Variants in SS18L1 observed in about 807,000 individuals in gnomAD.
SS18L1 encodes SS18L1 subunit of BAF chromatin remodeling complex.
Under a neutral mutation model 70.3 loss-of-function variants are expected in SS18L1, and 32 were observed. The ratio of observed to expected loss-of-function variants is 0.46; its 90% CI spans 0.34 to 0.61. The LOEUF (loss-of-function observed/expected upper bound fraction) is 0.61. Among genes scored for constraint, SS18L1 ranks in the 20% least tolerant of loss-of-function variants. SS18L1 has a pLI of 0.01. For missense variants in SS18L1, 430 were observed against 542.1 expected (o/e 0.79, Z 2.05); for synonymous variants, 237 against 229.7 (o/e 1.03, Z -0.29).
Position 62,161,066 on chromosome 20 carries a change from T to C in SS18L1, c.232-370T>C, listed in dbSNP as rs1003367247. On this transcript the variant is annotated intron_variant, in intron 3 of 10. Coordinates refer to ENST00000331758, the MANE Select transcript of SS18L1 (RefSeq NM_198935.3). This position sits in a 1 kb window ranked among gnomAD's most constrained non-coding sequence, Gnocchi z 4.4. ...AGCTCTTGGCACGGAGGGGTCGTGG[T>C]TGGGGAGCACAGAGGCGCTGGTCAC... Among the ~76,000 whole-genome samples, 2 of 151,384 alleles carry C rather than the reference T, an allele frequency of 1.3e-5. No homozygotes were observed. The highest frequency in any genetic ancestry group is 1.3e-4 in the Admixed American group (2 of 15,184).
chr20:62,154,174 C>T (rs146981029), intron 1 of SS18L1: 265 of 297,196 alleles, frequency 8.9e-4, no homozygotes, highest in South Asian at 6.6e-3. Context: ...CCAGTTGTCC[C>T]GGTAATGGCT....
chr20:62,179,466 G>A lies in SS18L1; in HGVS notation c.*258G>A. On this transcript the variant is annotated 3_prime_UTR_variant, in exon 11 of 11. Coordinates refer to ENST00000331758, the MANE Select transcript of SS18L1 (RefSeq NM_198935.3). The stretch of plus-strand genomic sequence containing the variant: ...GTACACGGAGAGGTATCCTTTTTTT[G>A]TCCCCCGCCCCCTTCTCAATGTTTC... 1 of 532,892 alleles carries A rather than the reference G, an allele frequency of 1.9e-6. No homozygotes were observed. The highest frequency in any genetic ancestry group is 1.9e-5 in the African/African-American group (1 of 52,466). 33.0% of individuals were successfully genotyped at this position (532,892 alleles called of 1,614,324 possible).
chr20:62,160,907 A>G (rs1419294995), intron 3 of SS18L1, among the ~76,000 whole-genome samples: 1 of 151,290 alleles, frequency 6.6e-6, no homozygotes, highest in Non-Finnish European at 1.5e-5. Context: ...GATCTGGGAG[A>G]GTGCTGAGGG....
chr20:62,157,183 G>T (rs116810531), intron 1 of SS18L1, among the ~76,000 whole-genome samples: 8,400 of 152,200 alleles, frequency 0.055, 776 homozygotes, highest in African/African-American at 0.19. Flanking sequence ...GCAGGATGCC[G>T]CCTGGCCCCA....
chr20:62,165,595 G>A (rs929257897), intron 8 of SS18L1, 81 bp downstream of exon 8: 32 of 1,327,782 alleles, frequency 2.4e-5, no homozygotes, highest in Non-Finnish European at 3.1e-5. Flanking sequence ...TTAGGAGCAC[G>A]CGGTGCCTGC....
chr20:62,146,640 G>C (rs972222083), intron 1 of SS18L1, among the ~76,000 whole-genome samples: 1 of 108,596 alleles, frequency 9.2e-6, no homozygotes, highest in South Asian at 3.1e-4. Context: ...ATGGAGTTTC[G>C]CTCTTGTTGC....
Position 62,143,843 on chromosome 20 carries a change from C to A in SS18L1, c.23C>A (p.Ala8Asp), listed in dbSNP as rs748420343. Reference protein sequence around the residue: MSVAFASARPRGKGEVTQ... With the variant: MSVAFASDRPRGKGEVTQ... ...ACCATGTCCGTGGCCTTCGCGTCTG[C>A]CCGGCCAAGAGGCAAAGGGGAGGTT... Residue 8 changes from alanine to aspartate, a missense_variant, in exon 1 of 11, where the codon GCC becomes GAC. Transcript: ENST00000331758. The A allele has an allele frequency of 1.5e-6, 2 of 1,329,676 alleles. No homozygotes were observed. Among genetic ancestry groups the A allele is most frequent in the Non-Finnish European group, 2.0e-6 (2 of 1,009,658 alleles). 82.4% of individuals were successfully genotyped at this position (1,329,676 alleles called of 1,614,324 possible).
At position 62,143,817 on chromosome 20, in the gene SS18L1, C is replaced by T. The variant is rs201211633; in HGVS notation, c.-4C>T. ...GACCACGGGCTGAGCCCCGCGCCGC[C>T]ACCATGTCCGTGGCCTTCGCGTCTG... is the stretch of plus-strand genomic sequence containing the variant. On this transcript the variant is annotated 5_prime_UTR_variant, in exon 1 of 11. Transcript: ENST00000331758. 154 of 1,359,044 alleles carry T rather than the reference C, an allele frequency of 1.1e-4. 1 individual carries two copies. In the East Asian group the frequency reaches 2.6e-3, roughly 23 times the overall value. 84.2% of individuals were successfully genotyped at this position (1,359,044 alleles called of 1,614,324 possible).
intron 9 of SS18L1, among the ~76,000 whole-genome samples, chr20:62,173,436 G>A (rs1263718658): frequency 3.9e-5 from 6 of 152,198 alleles, no homozygotes; most frequent in African/African-American, 4.8e-5. Flanking sequence ...GAGGCCAGGC[G>A]TGGTGGCTCA....
At position 62,180,607 on chromosome 20, in the gene SS18L1, A is replaced by AC. The variant is rs1167798280; in HGVS notation, c.*1399_*1400insC. 5.8e-6 allele frequency: 1 copy of AC among 173,270 alleles called. No individual in the cohort carries two copies. Among genetic ancestry groups the AC allele is most frequent in the Non-Finnish European group, 1.2e-5 (1 of 80,004 alleles). The allele number at this position is 173,270 out of a possible 1,614,324, so 10.7% of individuals were successfully genotyped here. On this transcript the variant is annotated 3_prime_UTR_variant, in exon 11 of 11. Coordinates refer to ENST00000331758, the MANE Select transcript of SS18L1 (RefSeq NM_198935.3). ...AATTGATGTTTTGTTTTAAAAGTTA[A>AC]AAGTAATTCTTGGCGTGGTGGTTCA... is the stretch of plus-strand genomic sequence containing the variant.
chr20:62,155,513 T>C (rs986203983), intron 1 of SS18L1, among the ~76,000 whole-genome samples: 1 of 152,162 alleles, frequency 6.6e-6, no homozygotes, highest in Non-Finnish European at 1.5e-5. Flanking sequence ...AAATGGCAGG[T>C]GGGGGCCGCA....
At position 62,158,990 on chromosome 20, in the gene SS18L1, C is replaced by T. The variant is rs753426012; in HGVS notation, c.146+242C>T. 4.5e-6 allele frequency: 7 copies of T among 1,545,996 alleles called. No individual in the cohort carries two copies. The highest frequency in any genetic ancestry group is 2.4e-5 in the East Asian group (1 of 41,402). ...CCCAGCACGGAGGCCAGATATGTCC[C>T]GAGAGTCCCCCAGCACGGAGGCCAG... On this transcript the variant is annotated intron_variant, in intron 2 of 10. Transcript: ENST00000331758. This position sits in a 1 kb window ranked among gnomAD's most constrained non-coding sequence, Gnocchi z 4.5.
intron 10 of SS18L1, 66 bp from the exon 11 acceptor site, chr20:62,179,116 G>C (rs2057670372): frequency 3.2e-6 from 5 of 1,579,596 alleles, no homozygotes; most frequent in Non-Finnish European, 4.4e-6. Context: ...TCCGGGCTGG[G>C]GTGGACGTCT....
intron 8 of SS18L1, among the ~76,000 whole-genome samples, chr20:62,169,430 G>A (rs1236792650): frequency 9.8e-5 from 15 of 152,330 alleles, no homozygotes; most frequent in Non-Finnish European, 1.9e-4. Flanking sequence ...GTATGAGTCC[G>A]TCTGTATGTA....
At chr20:62,175,345 C>T (rs575761643) in intron 10 of SS18L1, 86 of 985,406 alleles carry the variant, frequency 8.7e-5, no homozygotes, top group African/African-American at 1.4e-4. Context: ...AAGCAGACAT[C>T]GCTTTCCCTC....
chr20:62,178,196 G>T (rs1027748408), intron 10 of SS18L1, among the ~76,000 whole-genome samples: 1 of 144,812 alleles, frequency 6.9e-6, no homozygotes, highest in Admixed American at 6.9e-5. Flanking sequence ...ACCCACACTG[G>T]AATACAGTGG....
intron 5 of SS18L1, 52 bp downstream of exon 5, chr20:62,162,983 C>G: frequency 1.3e-6 from 2 of 1,588,832 alleles, no homozygotes; most frequent in South Asian, 1.1e-5. Context: ...CCTCCAAGAC[C>G]CTTGACACAT....
Position 62,174,017 on chromosome 20 carries a change from TAA to T in SS18L1, c.1037-484_1037-483del, listed in dbSNP as rs59638414. Reference sequence around the variant, plus strand: ...TTGGGTGACAGAGTGACACCCTGCCTAAAAAAAAAAAAAAAAATTGGCCTCTA... The same window carrying T: ...TTGGGTGACAGAGTGACACCCTGCCTAAAAAAAAAAAAAAATTGGCCTCTA... On this transcript the variant is annotated intron_variant, in intron 9 of 10. Transcript: ENST00000331758. The surrounding 1 kb of genome is among the most constrained non-coding windows in gnomAD (Gnocchi z 4.1). 2.0e-4 allele frequency among the ~76,000 whole-genome samples: 27 copies of T among 133,748 alleles called. No homozygotes were observed. Among genetic ancestry groups the T allele is most frequent in the South Asian group, 4.6e-4 (2 of 4,324 alleles). The allele number at this position is 133,748 out of a possible 152,430, so 87.7% of individuals were successfully genotyped here.
intron 1 of SS18L1, among the ~76,000 whole-genome samples, chr20:62,151,851 T>C (rs1053377571): frequency 2.5e-5 from 2 of 80,602 alleles, no homozygotes; most frequent in Non-Finnish European, 5.1e-5. Flanking sequence ...CCCGTTCCCC[T>C]CTTTTCCCGC....
Sources: gnomAD v4.1 joint callset for allele counts (sites outside exome capture counted in the v4.1 genomes callset) on GRCh38, gnomAD v4.1.1 for gene constraint, Gnocchi (gnomAD v3.1) non-coding constraint, MANE v1.5 for transcripts, NCBI Gene and HGNC (gene_info 2026-07-23, HGNC 2026-07-21) for gene names.